The following SNTB1 variants were observed in gnomAD, a reference collection of about 807,000 sequenced individuals.
SNTB1 encodes the protein beta-1-syntrophin.
A neutral mutation model predicts 48.9 loss-of-function variants in SNTB1; 36 were observed. That is an observed-to-expected ratio of 0.74 (90% confidence interval 0.56 to 0.97). The LOEUF is 0.97. Ranked by LOEUF, SNTB1 falls within the 50% of genes least tolerant of loss-of-function variation. SNTB1 has a pLI of 0.00. For missense variants in SNTB1, 786 were observed against 703.4 expected, an observed-to-expected ratio of 1.12 and a Z score of -1.33; for synonymous variants, 299 against 294.6, an observed-to-expected ratio of 1.01 and a Z score of -0.15.
intron 3 of SNTB1, among the ~76,000 whole-genome samples, chr8:120,582,153 A>G (rs1340389578): frequency 6.6e-6 from 1 of 152,270 alleles, no homozygotes; most frequent in East Asian, 1.9e-4. Flanking sequence ...TCTAGTTTCG[A>G]TAAGTTTAAA....
intron 2 of SNTB1, among the ~76,000 whole-genome samples, chr8:120,671,900 A>T (rs1817763918): frequency 6.6e-6 from 1 of 152,172 alleles, no homozygotes; most frequent in African/African-American, 2.4e-5. Context: ...TACCTTTTGA[A>T]TATTAAACCA....
intron 1 of SNTB1, among the ~76,000 whole-genome samples, chr8:120,781,050 C>A (rs1819823833): frequency 6.6e-6 from 1 of 152,166 alleles, no homozygotes; most frequent in Non-Finnish European, 1.5e-5. Flanking sequence ...TAGAGTGAAG[C>A]AAAAGCTCTT....
At position 120,811,831 on chromosome 8, in the gene SNTB1, C is replaced by T; in HGVS notation, c.13G>A (p.Ala5Thr). 2 of 1,349,272 alleles carry T rather than the reference C, an allele frequency of 1.5e-6. No individual in the cohort carries two copies. The highest frequency in any genetic ancestry group is 1.9e-6 in the Non-Finnish European group (2 of 1,054,304). The allele number at this position is 1,349,272 out of a possible 1,614,324, so 83.6% of individuals were successfully genotyped here. A position where few individuals can be genotyped will look rare whatever the true frequency, so the allele number is the denominator to read the frequency against. Residue 5 changes from alanine to threonine, a missense_variant, in exon 1 of 7, where the codon GCG (alanine) becomes ACG (threonine). Ala to Thr is a moderately conservative substitution (Grantham distance 58). Coordinates refer to ENST00000517992, the MANE Select transcript of SNTB1 (RefSeq NM_021021.4). ...GCCGGCCCAGCCGCCGCCGCCGCCG[C>T]CGCTACCGCCATCTTTCCGGCATTC... The part of the protein sequence containing the change: MAVA[A>T]AAAAAGPAGA...
chr8:120,797,836 G>A (rs1478429861), intron 1 of SNTB1, among the ~76,000 whole-genome samples: 1 of 151,890 alleles, frequency 6.6e-6, no homozygotes, highest in Non-Finnish European at 1.5e-5. Flanking sequence ...TGTTATCAAT[G>A]AGAAAGTTGA....
intron 1 of SNTB1, among the ~76,000 whole-genome samples, chr8:120,803,127 T>C (rs1820258871): frequency 6.6e-6 from 1 of 152,136 alleles, no homozygotes; most frequent in Non-Finnish European, 1.5e-5. Flanking sequence ...AGTTTAGATA[T>C]ATCTTTCCAC....
chr8:120,760,674 C>T (rs1024636482), intron 1 of SNTB1, among the ~76,000 whole-genome samples: 3 of 151,942 alleles, frequency 2.0e-5, no homozygotes, highest in African/African-American at 4.8e-5. Context: ...TTAAATACAC[C>T]CAGACTGTTC....
intron 3 of SNTB1, among the ~76,000 whole-genome samples, chr8:120,617,742 G>A (rs778756625): frequency 4.6e-5 from 7 of 152,192 alleles, no homozygotes; most frequent in Non-Finnish European, 1.0e-4. Flanking sequence ...CTCTGAGACC[G>A]GAGGTCTCCT....
chr8:120,700,422 T>G (rs1231050131), intron 1 of SNTB1, among the ~76,000 whole-genome samples: 1 of 152,190 alleles, frequency 6.6e-6, no homozygotes, highest in Non-Finnish European at 1.5e-5. Context: ...CCGGCAGTAA[T>G]TTCAGGCAAA....
intron 3 of SNTB1, among the ~76,000 whole-genome samples, chr8:120,592,063 A>C (rs1816247593): frequency 6.6e-6 from 1 of 152,250 alleles, no homozygotes; most frequent in South Asian, 2.1e-4. Context: ...TTCATGAAGA[A>C]AGCTAAATCA....
chr8:120,671,661 T>A (rs1817759042), intron 2 of SNTB1, among the ~76,000 whole-genome samples: 2 of 152,234 alleles, frequency 1.3e-5, no homozygotes, highest in South Asian at 4.1e-4. Context: ...TGTCCAGAAC[T>A]ATGAGAGAAT....
intron 6 of SNTB1, among the ~76,000 whole-genome samples, chr8:120,541,543 C>A (rs1815289466): frequency 6.6e-6 from 1 of 152,080 alleles, no homozygotes; most frequent in Non-Finnish European, 1.5e-5. Context: ...GCTGGTGAGA[C>A]CCTATTTGAT....
At chr8:120,695,531 C>T (rs575692904) in intron 1 of SNTB1, among the ~76,000 whole-genome samples, 16 of 152,236 alleles carry the variant, frequency 1.1e-4, no homozygotes, top group African/African-American at 3.6e-4. Flanking sequence ...CTCAGAAACC[C>T]ACCTAAGATA....
intron 3 of SNTB1, among the ~76,000 whole-genome samples, chr8:120,582,038 A>C (rs1816057501): frequency 6.6e-6 from 1 of 152,244 alleles, no homozygotes; most frequent in South Asian, 2.1e-4. Flanking sequence ...TCCATCTCAA[A>C]AAACAAAAAT....
At chr8:120,603,245 G>A (rs1168536759) in intron 3 of SNTB1, among the ~76,000 whole-genome samples, 1 of 152,028 alleles carries the variant, frequency 6.6e-6, no homozygotes, top group Non-Finnish European at 1.5e-5. Context: ...GGGACTACAG[G>A]TGCGCCACCA....
At chr8:120,722,308 G>A (rs7018224) in intron 1 of SNTB1, among the ~76,000 whole-genome samples, 4,761 of 152,222 alleles carry the variant, frequency 0.031, 233 homozygotes, top group African/African-American at 0.11. Context: ...CTAGATCCTT[G>A]AGGAATCGCC....
chr8:120,736,126 C>A (rs1226142249), intron 1 of SNTB1, among the ~76,000 whole-genome samples: 1 of 152,118 alleles, frequency 6.6e-6, no homozygotes, highest in Non-Finnish European at 1.5e-5. Context: ...TGCCGAGTGA[C>A]AGTGGGAAGA....
chr8:120,658,509 A>G (rs547685871), intron 2 of SNTB1, among the ~76,000 whole-genome samples: 1 of 152,362 alleles, frequency 6.6e-6, no homozygotes, highest in East Asian at 1.9e-4. Flanking sequence ...GAATATCACA[A>G]TAAAATGAGT....
chr8:120,677,045 C>T (rs1367619342), intron 2 of SNTB1, among the ~76,000 whole-genome samples: 3 of 139,170 alleles, frequency 2.2e-5, no homozygotes, highest in Non-Finnish European at 4.5e-5. Context: ...GTCTGGGTGA[C>T]AGAGTGAGAC....
intron 1 of SNTB1, among the ~76,000 whole-genome samples, chr8:120,758,363 T>TC (rs1819354539): frequency 1.3e-5 from 2 of 152,172 alleles, no homozygotes; most frequent in Admixed American, 1.3e-4. Flanking sequence ...CCAGACATAT[T>TC]CAATAAGGGC....
Sources: allele counts gnomAD v4.1 joint callset (sites outside exome capture counted in the v4.1 genomes callset), GRCh38; gene constraint gnomAD v4.1.1; transcripts MANE v1.5; gene names NCBI Gene and HGNC (gene_info 2026-07-23, HGNC 2026-07-21).